CSMD1: variants seen among roughly 807,000 people sequenced by gnomAD.
CSMD1 encodes the protein CUB and sushi domain-containing protein 1.
In CSMD1, 213 loss-of-function variants were observed where a neutral mutation model predicts 417.5. The observed-to-expected ratio is 0.51, with a 90% CI of 0.46 to 0.57. The LOEUF (loss-of-function observed/expected upper bound fraction) is 0.57. Among genes scored for constraint, CSMD1 ranks in the 20% least tolerant of loss-of-function variants. The probability of loss-of-function intolerance (pLI) is 0.00; values close to 1 mark genes in which losing one functional copy is unlikely to be tolerated. For synonymous variants in CSMD1, 2,862 were observed against 1,736.8 expected (o/e 1.65, Z -16.11); for missense variants, 6,923 against 4,529.7 (o/e 1.53, Z -15.17).
chr8:3,597,296 A>G (rs1801140712), intron 8 of CSMD1, among the ~76,000 whole-genome samples: 1 of 152,124 alleles, frequency 6.6e-6, no homozygotes, highest in Non-Finnish European at 1.5e-5. Flanking sequence ...CTGATTCTGA[A>G]GCTGAGCACA....
intron 1 of CSMD1, among the ~76,000 whole-genome samples, chr8:4,852,413 T>C (rs1801532190): frequency 6.6e-6 from 1 of 152,148 alleles, no homozygotes; most frequent in Non-Finnish European, 1.5e-5. Flanking sequence ...ACTCTTGCTA[T>C]GTGATGCACT....
chr8:4,036,580 G>C (rs143980715), intron 3 of CSMD1, among the ~76,000 whole-genome samples: 1,674 of 152,238 alleles, frequency 0.011, 28 homozygotes, highest in African/African-American at 0.037. Context: ...ATTTAGGAAA[G>C]GTATTTTTAA....
At chr8:3,134,138 C>T (rs542030759) in intron 41 of CSMD1, among the ~76,000 whole-genome samples, 2 of 152,108 alleles carry the variant, frequency 1.3e-5, no homozygotes, top group South Asian at 4.1e-4. Flanking sequence ...TATCACTGCA[C>T]TCCAGCCTCT....
chr8:4,853,384 G>T (rs1158819810), intron 1 of CSMD1, among the ~76,000 whole-genome samples: 1 of 152,206 alleles, frequency 6.6e-6, no homozygotes, highest in African/African-American at 2.4e-5. Context: ...GGCTCAAAGT[G>T]CCACAGGTAC....
chr8:4,322,348 GGA>G (rs1200250768), intron 3 of CSMD1, among the ~76,000 whole-genome samples: 2 of 152,044 alleles, frequency 1.3e-5, no homozygotes, highest in African/African-American at 4.8e-5. Context: ...TCTGAGCACT[GGA>G]GAGAGTTTAA....
rs1248727833 is a variant in CSMD1 at position 3,725,122 on chromosome 8, G to C, written c.932-16631C>G. Reference sequence around the variant, plus strand: ...TGGAAGGTGAGTTTTCAGCAAAGGAGGTAGACACAGCAGATAGATAGGAAA... The same window carrying C: ...TGGAAGGTGAGTTTTCAGCAAAGGACGTAGACACAGCAGATAGATAGGAAA... On this transcript the variant is annotated intron_variant, in intron 6 of 69. Transcript: ENST00000635120. Among the ~76,000 whole-genome samples, 6 of 152,284 alleles carry C rather than the reference G, an allele frequency of 3.9e-5. No homozygotes were observed. The South Asian group carries it at 1.0e-3, about 26-fold the overall frequency.
chr8:3,657,280 G>C (rs1208862424), intron 7 of CSMD1, among the ~76,000 whole-genome samples: 1 of 152,008 alleles, frequency 6.6e-6, no homozygotes, highest in Non-Finnish European at 1.5e-5. Context: ...TGAACAATCT[G>C]AAAAGAAAAA....
At chr8:3,044,069 A>C (rs1013522465) in intron 50 of CSMD1, among the ~76,000 whole-genome samples, 54 of 152,322 alleles carry the variant, frequency 3.5e-4, no homozygotes, top group African/African-American at 1.2e-3. Flanking sequence ...TACCACAGCT[A>C]AAGATGAGTT....
chr8:3,616,034 C>T (rs572214492), intron 8 of CSMD1, among the ~76,000 whole-genome samples: 1 of 152,148 alleles, frequency 6.6e-6, no homozygotes, highest in Admixed American at 6.5e-5. Flanking sequence ...ACTTTACTGA[C>T]TGATACTAAC....
At chr8:3,452,366 G>A (rs1031862039) in intron 12 of CSMD1, among the ~76,000 whole-genome samples, 3 of 152,170 alleles carry the variant, frequency 2.0e-5, no homozygotes, top group Non-Finnish European at 4.4e-5. Context: ...GAATAGCAGT[G>A]GTGAGAGAGG....
chr8:4,139,791 G>T (rs941883073), intron 3 of CSMD1, among the ~76,000 whole-genome samples: 1 of 151,128 alleles, frequency 6.6e-6, no homozygotes, highest in South Asian at 2.1e-4. Flanking sequence ...ACTGAGCTCA[G>T]TGTTCTACAG....
chr8:4,157,399 G>C lies in CSMD1; in HGVS notation c.416-125300C>G, dbSNP rs574155489. On this transcript the variant is annotated intron_variant, in intron 3 of 69. Transcript: ENST00000635120. ...TTCACGCCAGCTCAAAGGTTGAATT[G>C]AAAATTTTCTATTTTCGTCCTTTTT... Among the ~76,000 whole-genome samples the C allele has an allele frequency of 1.2e-4, 18 of 152,230 alleles. No homozygotes were observed. In the South Asian group the frequency reaches 3.7e-3, roughly 32 times the overall value.
chr8:4,165,530 A>C (rs1423850874), intron 3 of CSMD1, among the ~76,000 whole-genome samples: 1 of 152,106 alleles, frequency 6.6e-6, no homozygotes, highest in Non-Finnish European at 1.5e-5. Flanking sequence ...CAGCCTGCCA[A>C]GTAGGTGGGA....
At chr8:3,813,462 T>C (rs935513274) in intron 5 of CSMD1, among the ~76,000 whole-genome samples, 113 of 152,288 alleles carry the variant, frequency 7.4e-4, no homozygotes, top group African/African-American at 2.6e-3. Flanking sequence ...TGGTATTTAG[T>C]AATGTCGTAT....
chr8:3,844,458 T>G (rs957623488), intron 5 of CSMD1, among the ~76,000 whole-genome samples: 1 of 152,052 alleles, frequency 6.6e-6, no homozygotes, highest in Non-Finnish European at 1.5e-5. Context: ...GTCCAGGGAG[T>G]TGATGTATGG....
At chr8:3,964,566 T>C (rs777447554) in intron 5 of CSMD1, among the ~76,000 whole-genome samples, 2 of 152,180 alleles carry the variant, frequency 1.3e-5, no homozygotes, top group African/African-American at 4.8e-5. Flanking sequence ...ACTGGAGAAG[T>C]CTTGCAGGTT....
intron 5 of CSMD1, among the ~76,000 whole-genome samples, chr8:3,848,692 C>T (rs1202659630): frequency 6.6e-6 from 1 of 152,016 alleles, no homozygotes; most frequent in African/African-American, 2.4e-5. Flanking sequence ...CTCCTTGCAC[C>T]ATCTGTGTGA....
chr8:4,328,713 C>G (rs145064678), intron 3 of CSMD1, among the ~76,000 whole-genome samples: 4 of 152,268 alleles, frequency 2.6e-5, no homozygotes, highest in African/African-American at 9.6e-5. Flanking sequence ...ATTAGCTATA[C>G]TATGGCTATT....
At chr8:4,386,159 C>G (rs1052290909) in intron 3 of CSMD1, among the ~76,000 whole-genome samples, 2 of 152,120 alleles carry the variant, frequency 1.3e-5, no homozygotes, top group South Asian at 2.1e-4. Flanking sequence ...GACTTCCATC[C>G]CACTCAAACA....
Sources: allele counts gnomAD v4.1 joint callset (sites outside exome capture counted in the v4.1 genomes callset), GRCh38; gene constraint gnomAD v4.1.1; transcripts MANE v1.5; gene names NCBI Gene and HGNC (gene_info 2026-07-23, HGNC 2026-07-21).